The following RARS1 variants were observed in gnomAD, a reference collection of about 807,000 sequenced individuals.
RARS1 encodes arginyl-tRNA synthetase 1.
A neutral mutation model predicts 78.7 loss-of-function variants in RARS1; 75 were observed. That is an observed-to-expected ratio of 0.95 (90% CI 0.79 to 1.15). RARS1 has a LOEUF of 1.15. RARS1 is among the 50% of genes most tolerant of loss of function. The pLI, the probability that RARS1 is intolerant of heterozygous loss-of-function variation, is 0.00. For synonymous variants in RARS1, 273 were observed against 268.2 expected (o/e 1.02, Z -0.18); for missense variants, 787 against 787.5 (o/e 1.00, Z 0.01).
At chr5:168,512,659 G>A (rs1758587780) in intron 12 of RARS1, among the ~76,000 whole-genome samples, 1 of 152,174 alleles carries the variant, frequency 6.6e-6, no homozygotes, top group Admixed American at 6.5e-5. Context: ...AGATATTCGA[G>A]GGCAGGAAGC....
chr5:168,487,707 A>C (rs1757998869), intron 1 of RARS1, among the ~76,000 whole-genome samples: 2 of 152,220 alleles, frequency 1.3e-5, no homozygotes, highest in African/African-American at 4.8e-5. Context: ...CTGAAATTTC[A>C]GGTGAGGAAC....
chr5:168,498,633 G>A (rs769203827), intron 7 of RARS1, among the ~76,000 whole-genome samples: 62 of 152,088 alleles, frequency 4.1e-4, no homozygotes, highest in Non-Finnish European at 7.6e-4. Flanking sequence ...TTGTTATTCA[G>A]TAAATAGCTT....
chr5:168,515,915 C>T (rs1227171109), intron 12 of RARS1, among the ~76,000 whole-genome samples: 1 of 152,182 alleles, frequency 6.6e-6, no homozygotes, highest in Non-Finnish European at 1.5e-5. Flanking sequence ...TCTTTGACTC[C>T]TCTGTGGCTC....
At chr5:168,496,575 T>A (rs555203417) in intron 6 of RARS1, among the ~76,000 whole-genome samples, 1 of 151,640 alleles carries the variant, frequency 6.6e-6, no homozygotes, top group Non-Finnish European at 1.5e-5. Context: ...CTCTACCTCC[T>A]GGGTTCACGC....
intron 12 of RARS1, among the ~76,000 whole-genome samples, chr5:168,513,384 A>T (rs1363830819): frequency 6.6e-6 from 1 of 151,168 alleles, no homozygotes; most frequent in East Asian, 1.9e-4. Flanking sequence ...CAGTGGCACA[A>T]TCTTGGCTCA....
rs758636119 is a variant in RARS1 at position 168,494,661 on chromosome 5, A to C, written c.579+11A>C. 6.7e-7 allele frequency: 1 copy of C among 1,499,978 alleles called. No individual in the cohort carries two copies. Among genetic ancestry groups the C allele is most frequent in the Non-Finnish European group, 9.3e-7 (1 of 1,077,290 alleles). The allele number at this position is 1,499,978 out of a possible 1,614,324, so 92.9% of individuals were successfully genotyped here. A position where few individuals can be genotyped will look rare whatever the true frequency, so the allele number is the denominator to read the frequency against. On this transcript the variant is annotated intron_variant, in intron 5 of 14. Transcript: ENST00000231572. Reference sequence around the variant, plus strand: ...GGAGAGAATAAAAAGGTATATGTACACTCTTCTATTAATATATTAGTATCT... The same window carrying C: ...GGAGAGAATAAAAAGGTATATGTACCCTCTTCTATTAATATATTAGTATCT...
Position 168,517,885 on chromosome 5 carries a change from T to C in RARS1, c.1696T>C (p.Leu566=), listed in dbSNP as rs79948711. The C allele has an allele frequency of 7.1e-5, 114 of 1,613,728 alleles. No homozygotes were observed. In the African/African-American group the frequency reaches 7.1e-4, roughly 10 times the overall value. The change falls in exon 14 of 15, where the codon TTG becomes CTG. Residue 566 remains leucine, a synonymous_variant. Coordinates refer to ENST00000231572, the MANE Select transcript of RARS1 (RefSeq NM_002887.4). ...AGCTGCTCGAGAAACCAAGATTCTT[T>C]TGGATCATGAGAAGGAATGGAAACT... ...QKAARETKIL[L]DHEKEWKLGR...
intron 1 of RARS1, among the ~76,000 whole-genome samples, chr5:168,487,148 G>A (rs1757982453): frequency 6.6e-6 from 1 of 152,104 alleles, no homozygotes; most frequent in Non-Finnish European, 1.5e-5. Context: ...GGATCACGAT[G>A]TCAGGAGATC....
chr5:168,510,539 A>C (rs1398166174), intron 11 of RARS1, 42 bp from the exon 12 acceptor site: 1 of 1,436,962 alleles, frequency 7.0e-7, no homozygotes, highest in Non-Finnish European at 9.6e-7. Flanking sequence ...CTAAGTTGAA[A>C]AGTCTGTTTC....
chr5:168,491,916 T>C (rs1347260460), intron 2 of RARS1, among the ~76,000 whole-genome samples: 1 of 151,782 alleles, frequency 6.6e-6, no homozygotes, highest in Non-Finnish European at 1.5e-5. Context: ...AGCATGTTTA[T>C]CTTCTATTAA....
At chr5:168,508,193 A>G (rs1758488681) in intron 11 of RARS1, among the ~76,000 whole-genome samples, 1 of 152,168 alleles carries the variant, frequency 6.6e-6, no homozygotes, top group Admixed American at 6.5e-5. Flanking sequence ...GCTTAAAATT[A>G]CTAGTGCTCC....
chr5:168,509,678 A>T (rs1406794825), intron 11 of RARS1, among the ~76,000 whole-genome samples: 2 of 145,530 alleles, frequency 1.4e-5, no homozygotes, highest in African/African-American at 2.5e-5. Flanking sequence ...TTTTTTTTTT[A>T]AAGGAACTGG....
Position 168,500,693 on chromosome 5 carries a change from A to C in RARS1, c.925A>C (p.Lys309Gln). The change falls in exon 8 of 15, where the codon AAG (lysine) becomes CAG (glutamine). Residue 309 changes from lysine to glutamine, a missense_variant. Coordinates refer to ENST00000231572, the MANE Select transcript of RARS1 (RefSeq NM_002887.4). ...AAACCCAGATATTACAAAAGCTTGG[A>C]AGCTTATCTGTGATGTCTCCCGCCA... is the stretch of plus-strand genomic sequence containing the variant. Reference protein sequence around the residue: ...GKNPDITKAWKLICDVSRQEL... With the variant: ...GKNPDITKAWQLICDVSRQEL... 6.2e-7 allele frequency: 1 copy of C among 1,611,180 alleles called. No individual in the cohort carries two copies. Among genetic ancestry groups the C allele is most frequent in the Non-Finnish European group, 8.5e-7 (1 of 1,179,262 alleles).
At chr5:168,508,388 C>T (rs542621186) in intron 11 of RARS1, among the ~76,000 whole-genome samples, 53 of 151,010 alleles carry the variant, frequency 3.5e-4, no homozygotes, top group Admixed American at 4.6e-4. Context: ...TTTGGGAGGC[C>T]GAGGCAGGTG....
intron 5 of RARS1, 186 bp downstream of exon 5, chr5:168,494,836 C>A: frequency 2.0e-6 from 1 of 496,170 alleles, no homozygotes; most frequent in Non-Finnish European, 3.5e-6. Flanking sequence ...TCAACCTGGG[C>A]AGTATCATGA....
At chr5:168,502,660 C>T (rs1210332385) in intron 9 of RARS1, among the ~76,000 whole-genome samples, 4 of 150,770 alleles carry the variant, frequency 2.7e-5, no homozygotes, top group Admixed American at 6.6e-5. Context: ...CAACCTCCGC[C>T]TCCTGGGTTC....
intron 2 of RARS1, among the ~76,000 whole-genome samples, chr5:168,489,255 A>G (rs1198522433): frequency 1.3e-5 from 2 of 152,094 alleles, no homozygotes; most frequent in African/African-American, 4.8e-5. Context: ...CCTGGCTTCA[A>G]GCAACCCTCC....
chr5:168,516,655 T>C, intron 12 of RARS1, 123 bp from the exon 13 acceptor site: 11 of 890,886 alleles, frequency 1.2e-5, no homozygotes, highest in Middle Eastern at 6.4e-4. Context: ...TGTCAGTGTT[T>C]ATTAAAGTTT....
chr5:168,509,438 ACCCC>A (rs10533468), intron 11 of RARS1, among the ~76,000 whole-genome samples: 19,088 of 118,480 alleles, frequency 0.16, 1,899 homozygotes, highest in Non-Finnish European at 0.22. Flanking sequence ...TTTTTTAAAC[ACCCC>A]CCCCCCCCCA....
Sources: gnomAD v4.1 joint callset for allele counts (sites outside exome capture counted in the v4.1 genomes callset) on GRCh38, gnomAD v4.1.1 for gene constraint, MANE v1.5 for transcripts, NCBI Gene and HGNC (gene_info 2026-07-23, HGNC 2026-07-21) for gene names.